UPF2: variants seen among roughly 807,000 people sequenced by gnomAD.
The protein encoded by UPF2 is UPF2 regulator of nonsense mediated mRNA decay.
UPF2 carries 17 observed loss-of-function variants against 141.4 expected under a neutral mutation model. The ratio of observed to expected loss-of-function variants is 0.12; its 90% confidence interval spans 0.08 to 0.18. The LOEUF (loss-of-function observed/expected upper bound fraction) is 0.18. Ranked by LOEUF, UPF2 falls within the 10% of genes least tolerant of loss-of-function variation. UPF2 has a pLI of 1.00. For synonymous variants in UPF2, 540 were observed against 498.0 expected (o/e 1.08, Z -1.12); for missense variants, 1,152 against 1,515.9 (o/e 0.76, Z 3.99).
intron 1 of UPF2, chr10:12,035,682 A>C (rs1834612819): frequency 2.8e-6 from 1 of 352,572 alleles, no homozygotes. Context: ...GGAAAAATCC[A>C]AGCCCAGACA....
intron 9 of UPF2, among the ~76,000 whole-genome samples, chr10:11,970,874 G>A (rs7096247): frequency 0.056 from 8,518 of 151,204 alleles, 319 homozygotes; most frequent in Non-Finnish European, 0.085. Context: ...TTTAGGGTCA[G>A]TAGGGTTGGG....
intron 21 of UPF2, among the ~76,000 whole-genome samples, chr10:11,925,252 G>A (rs73571316): frequency 2.2e-3 from 328 of 152,226 alleles, no homozygotes; most frequent in African/African-American, 7.5e-3. Context: ...AATTCCATTC[G>A]TGATACTTTA....
Position 11,967,474 on chromosome 10 carries a change from A to C in UPF2, c.1954-20T>G, listed in dbSNP as rs763675935. Reference sequence around the variant, plus strand: ...CCGTACCTAAAAATTAAGAGAGAAAAGATAATGCTTAATCAACATTTTGAA... The same window carrying C: ...CCGTACCTAAAAATTAAGAGAGAAACGATAATGCTTAATCAACATTTTGAA... On this transcript the variant is annotated intron_variant, in intron 9 of 21. Transcript: ENST00000357604. The C allele has an allele frequency of 7.1e-7, 1 of 1,409,540 alleles. No individual in the cohort carries two copies. Among genetic ancestry groups the C allele is most frequent in the East Asian group, 2.5e-5 (1 of 40,796 alleles). The allele number at this position is 1,409,540 out of a possible 1,614,324, so 87.3% of individuals were successfully genotyped here.
At chr10:11,942,878 A>G in intron 17 of UPF2, 115 bp from the exon 18 acceptor site, 1 of 952,492 alleles carries the variant, frequency 1.0e-6, no homozygotes, top group Non-Finnish European at 1.6e-6. Context: ...TAAAGTGAGT[A>G]AAATATCTAA....
chr10:11,939,713 C>T lies in UPF2; in HGVS notation c.3378+2952G>A, dbSNP rs1163663528. On this transcript the variant is annotated intron_variant, in intron 18 of 21. Coordinates refer to ENST00000357604, the MANE Select transcript of UPF2 (RefSeq NM_015542.4). This position sits in a 1 kb window ranked among gnomAD's most constrained non-coding sequence, Gnocchi z 4.8. ...TGTATTTTTAGTAGAGACAGGGTTT[C>T]ACCATGTTGGCCAGGCTGGTCTTGA... Among the ~76,000 whole-genome samples, 1 of 151,986 alleles carries T rather than the reference C, an allele frequency of 6.6e-6. No homozygotes were observed. The highest frequency in any genetic ancestry group is 1.5e-5 in the Non-Finnish European group (1 of 67,994).
intron 8 of UPF2, among the ~76,000 whole-genome samples, chr10:11,986,786 C>T (rs1460716515): frequency 6.6e-6 from 1 of 152,194 alleles, no homozygotes; most frequent in African/African-American, 2.4e-5. Flanking sequence ...CACAACAGCG[C>T]CACCAGGTGG....
chr10:11,921,840 TCA>T lies in UPF2; in HGVS notation c.3810-535_3810-534del, dbSNP rs1428824169. On this transcript the variant is annotated intron_variant, in intron 21 of 21. Transcript: ENST00000357604. This position sits in a 1 kb window ranked among gnomAD's most constrained non-coding sequence, Gnocchi z 5.9. Reference sequence around the variant, plus strand: ...AACTTATTCTTAAGGTGCTAAGAATTCACAGTTTGTGTTATGGTTCAGTTGTG... The same window carrying T: ...AACTTATTCTTAAGGTGCTAAGAATTCAGTTTGTGTTATGGTTCAGTTGTG... Among the ~76,000 whole-genome samples, 1 of 152,192 alleles carries T rather than the reference TCA, an allele frequency of 6.6e-6. No individual in the cohort carries two copies. Among genetic ancestry groups the T allele is most frequent in the South Asian group, 2.1e-4 (1 of 4,828 alleles).
chr10:11,955,553 T>C, intron 13 of UPF2, 46 bp from the exon 14 acceptor site: 3 of 1,545,116 alleles, frequency 1.9e-6, no homozygotes, highest in East Asian at 2.3e-5. Context: ...AGGAGTAGTG[T>C]ATATGAAAAC....
At chr10:11,938,962 TC>T in intron 18 of UPF2, among the ~76,000 whole-genome samples, 1 of 140,454 alleles carries the variant, frequency 7.1e-6, no homozygotes, top group East Asian at 2.2e-4. Context: ...AACCTCTGCC[TC>T]CTGGGTTCAA....
rs113954633 is a variant in UPF2 at position 11,998,746 on chromosome 10, C to T, written c.1759-989G>A. Reference sequence around the variant, plus strand: ...GCGGGCACCTGTAGTCCCAGCTACTCGGGAGGCTGAGGCAGGAGAATGGCG... The same window carrying T: ...GCGGGCACCTGTAGTCCCAGCTACTTGGGAGGCTGAGGCAGGAGAATGGCG... On this transcript the variant is annotated intron_variant, in intron 7 of 21. Coordinates refer to ENST00000357604, the MANE Select transcript of UPF2 (RefSeq NM_015542.4). This position sits in a 1 kb window ranked among gnomAD's most constrained non-coding sequence, Gnocchi z 4.5. Among the ~76,000 whole-genome samples, 582 of 151,994 alleles carry T rather than the reference C, an allele frequency of 3.8e-3. 1 individual carries two copies. Among genetic ancestry groups the T allele is most frequent in the African/African-American group, 0.013 (542 of 41,476 alleles).
chr10:11,984,091 G>A (rs1050816549), intron 8 of UPF2, among the ~76,000 whole-genome samples: 1 of 151,946 alleles, frequency 6.6e-6, no homozygotes, highest in Non-Finnish European at 1.5e-5. Context: ...ACCCAGCTAA[G>A]TGTGTATTTT....
At chr10:11,975,719 G>A (rs1411963353) in intron 9 of UPF2, among the ~76,000 whole-genome samples, 1 of 150,664 alleles carries the variant, frequency 6.6e-6, no homozygotes, top group Non-Finnish European at 1.5e-5. Flanking sequence ...GTTTCTCCAT[G>A]TTGGTCAGGC....
At chr10:12,020,513 C>T (rs1834299674) in intron 3 of UPF2, among the ~76,000 whole-genome samples, 1 of 152,018 alleles carries the variant, frequency 6.6e-6, no homozygotes, top group Non-Finnish European at 1.5e-5. Context: ...AGCCAAGCTA[C>T]TAAAGTTTAA....
At chr10:12,032,737 C>CAA (rs1291360872) in intron 2 of UPF2, among the ~76,000 whole-genome samples, 2 of 90,990 alleles carry the variant, frequency 2.2e-5, no homozygotes, top group African/African-American at 4.1e-5. Context: ...GACCCTGTCT[C>CAA]AAAAAAAAAA....
intron 8 of UPF2, among the ~76,000 whole-genome samples, chr10:11,991,306 G>C (rs1376419206): frequency 6.6e-6 from 1 of 151,992 alleles, no homozygotes; most frequent in African/African-American, 2.4e-5. Context: ...GTAAGAAAAA[G>C]ACAACACTGA....
chr10:11,965,606 C>T (rs1262840044), intron 10 of UPF2, among the ~76,000 whole-genome samples: 1 of 152,036 alleles, frequency 6.6e-6, no homozygotes, highest in African/African-American at 2.4e-5. Context: ...ACTACAGGTG[C>T]CTGCCACCAC....
In UPF2 at chr10:11,980,748, G is replaced by A. The variant is rs1833578317; in HGVS notation, c.1845-1583C>T. ...AACTCCATCTCAAAAAAAGATTATT[G>A]CTGAGCACATCACTGTACCATACAA... On this transcript the variant is annotated intron_variant, in intron 8 of 21. Coordinates refer to ENST00000357604, the MANE Select transcript of UPF2 (RefSeq NM_015542.4). The surrounding 1 kb of genome is among the most constrained non-coding windows in gnomAD (Gnocchi z 4.2). Among the ~76,000 whole-genome samples, 1 of 151,970 alleles carries A rather than the reference G, an allele frequency of 6.6e-6. No individual in the cohort carries two copies. The highest frequency in any genetic ancestry group is 2.4e-5 in the African/African-American group (1 of 41,370).
intron 6 of UPF2, among the ~76,000 whole-genome samples, chr10:12,000,396 G>T (rs141275078): frequency 2.6e-5 from 4 of 152,098 alleles, no homozygotes; most frequent in Admixed American, 1.3e-4. Flanking sequence ...TTCTAAGGAG[G>T]GTGGCTGGTT....
At chr10:12,027,675 A>G (rs933934566) in intron 3 of UPF2, among the ~76,000 whole-genome samples, 2 of 152,204 alleles carry the variant, frequency 1.3e-5, no homozygotes, top group African/African-American at 4.8e-5. Context: ...GCCGTCTTAA[A>G]TTCTCACCTC....
Sources: gnomAD v4.1 joint callset for allele counts (sites outside exome capture counted in the v4.1 genomes callset) on GRCh38, gnomAD v4.1.1 for gene constraint, Gnocchi (gnomAD v3.1) non-coding constraint, MANE v1.5 for transcripts, NCBI Gene and HGNC (gene_info 2026-07-23, HGNC 2026-07-21) for gene names.